CEP112: variants seen among roughly 807,000 people sequenced by gnomAD.
The protein encoded by CEP112 is centrosomal protein 112, also known as centrosomal protein of 112 kDa.
In CEP112, 127 loss-of-function variants were observed where a neutral mutation model predicts 153.0. That is an observed-to-expected ratio of 0.83 (90% CI 0.72 to 0.96). The LOEUF is 0.96. Ranked by LOEUF, CEP112 falls within the 40% of genes least tolerant of loss-of-function variation. CEP112 has a pLI of 0.00. For synonymous variants in CEP112, 358 were observed against 374.4 expected, an observed-to-expected ratio of 0.96 and a Z score of 0.51; for missense variants, 1,089 against 1,101.2, an observed-to-expected ratio of 0.99 and a Z score of 0.16.
intron 19 of CEP112, among the ~76,000 whole-genome samples, chr17:65,923,815 G>A (rs2060819620): frequency 1.3e-5 from 2 of 152,064 alleles, no homozygotes; most frequent in African/African-American, 4.8e-5. Context: ...AGACACATAT[G>A]TTTTAATTTT....
At chr17:66,002,247 A>C (rs2064090961) in intron 17 of CEP112, among the ~76,000 whole-genome samples, 1 of 152,138 alleles carries the variant, frequency 6.6e-6, no homozygotes. Context: ...CTCATAGAAA[A>C]ATTCCCAGCC....
At chr17:66,060,677 T>C (rs547174794) in intron 11 of CEP112, among the ~76,000 whole-genome samples, 1 of 152,258 alleles carries the variant, frequency 6.6e-6, no homozygotes, top group East Asian at 1.9e-4. Context: ...CTTTAATAAA[T>C]GGTGCTGGGG....
intron 21 of CEP112, among the ~76,000 whole-genome samples, chr17:65,829,063 G>C (rs1426588018): frequency 1.3e-5 from 2 of 151,772 alleles, no homozygotes; most frequent in African/African-American, 4.8e-5. Flanking sequence ...AGGCATCTTG[G>C]TATTATTAAT....
chr17:65,729,983 G>A (rs2050410154), intron 23 of CEP112, among the ~76,000 whole-genome samples: 1 of 152,170 alleles, frequency 6.6e-6, no homozygotes, highest in Admixed American at 6.5e-5. Context: ...GTCACCTAGT[G>A]ACTTCCAAAG....
intron 19 of CEP112, among the ~76,000 whole-genome samples, chr17:65,905,520 A>C (rs2060038419): frequency 6.6e-6 from 1 of 152,260 alleles, no homozygotes; most frequent in Non-Finnish European, 1.5e-5. Context: ...AATTAGTTCA[A>C]CCACTGTGGA....
chr17:65,680,465 T>C lies in CEP112; in HGVS notation c.2697+8664A>G, dbSNP rs75176702. Among the ~76,000 whole-genome samples the C allele has an allele frequency of 2.4e-3, 361 of 152,082 alleles. 1 individual carries two copies. Among genetic ancestry groups the C allele is most frequent in the African/African-American group, 8.6e-3 (355 of 41,472 alleles). On this transcript the variant is annotated intron_variant, in intron 24 of 26. Coordinates refer to ENST00000535342, the MANE Select transcript of CEP112 (RefSeq NM_001199165.4). ...ATGCTGCTAATTCTTCCTCCCTCCT[T>C]CTCTCCATCTGTCACCCTCCCTCTC...
At chr17:65,714,324 T>C (rs2049372122) in intron 23 of CEP112, among the ~76,000 whole-genome samples, 1 of 152,228 alleles carries the variant, frequency 6.6e-6, no homozygotes, top group African/African-American at 2.4e-5. Context: ...ACATCTAATT[T>C]ATTCTGGGCT....
At chr17:66,121,723 T>G (rs2069603112) in intron 6 of CEP112, among the ~76,000 whole-genome samples, 1 of 151,606 alleles carries the variant, frequency 6.6e-6, no homozygotes, top group Non-Finnish European at 1.5e-5. Flanking sequence ...TTTTTAGAGA[T>G]GGGGGTCTCA....
intron 23 of CEP112, among the ~76,000 whole-genome samples, chr17:65,692,907 C>T (rs1328241924): frequency 6.6e-6 from 1 of 152,164 alleles, no homozygotes; most frequent in Non-Finnish European, 1.5e-5. Context: ...AAGATATTTA[C>T]TTCAATCATC....
At chr17:65,745,233 A>G (rs917085381) in intron 22 of CEP112, among the ~76,000 whole-genome samples, 3 of 152,256 alleles carry the variant, frequency 2.0e-5, no homozygotes, top group Non-Finnish European at 2.9e-5. Context: ...ATGACAAAAT[A>G]TATAATAACA....
At chr17:66,106,911 T>G (rs547489985) in intron 6 of CEP112, among the ~76,000 whole-genome samples, 23 of 152,134 alleles carry the variant, frequency 1.5e-4, no homozygotes, top group African/African-American at 5.5e-4. Flanking sequence ...ACTAGTATAC[T>G]GAATTCAACA....
chr17:65,961,641 GCTAGGC>G, intron 17 of CEP112, 43 bp from the exon 18 acceptor site: 4 of 1,533,288 alleles, frequency 2.6e-6, no homozygotes, highest in Non-Finnish European at 3.5e-6. Context: ...ATATAAAAGA[GCTAGGC>G]CTGAATGAAA....
At chr17:65,850,103 G>A (rs112105235) in intron 21 of CEP112, among the ~76,000 whole-genome samples, 1,880 of 140,040 alleles carry the variant, frequency 0.013, 52 homozygotes, top group African/African-American at 0.048. Context: ...GCAGTGAGCC[G>A]AGATCATGCC....
chr17:66,053,822 T>C lies in CEP112; in HGVS notation c.1132A>G (p.Thr378Ala). The C allele has an allele frequency of 6.2e-7, 1 of 1,613,040 alleles. No homozygotes were observed. The highest frequency in any genetic ancestry group is 1.1e-5 in the South Asian group (1 of 90,810). The change falls in exon 12 of 27, where the codon ACT (threonine) becomes GCT (alanine). Residue 378 changes from threonine (T) to alanine (A), a missense_variant. Physicochemically the swap from Thr to Ala is moderately conservative, Grantham distance 58. Coordinates refer to ENST00000535342, the MANE Select transcript of CEP112 (RefSeq NM_001199165.4). Reference sequence around the variant, plus strand: ...TCAAGCAATTCTTGAATGTTTTCAGTGTGTTGCTTTTGAAGATCAAACTTT... The same window carrying C: ...TCAAGCAATTCTTGAATGTTTTCAGCGTGTTGCTTTTGAAGATCAAACTTT... Reference protein sequence around the residue: ...QEKFDLQKQHTENIQELLEDT... With the variant: ...QEKFDLQKQHAENIQELLEDT...
intron 24 of CEP112, among the ~76,000 whole-genome samples, chr17:65,656,733 T>C (rs1432477088): frequency 6.6e-6 from 1 of 152,164 alleles, no homozygotes; most frequent in African/African-American, 2.4e-5. Context: ...CTCCACTAGG[T>C]AGGGACTGTG....
intron 20 of CEP112, among the ~76,000 whole-genome samples, chr17:65,868,505 T>TA (rs113334221): frequency 0.15 from 20,909 of 140,606 alleles, 1,465 homozygotes; most frequent in African/African-American, 0.17. Context: ...GTCTCAAAAT[T>TA]AAAAAAAAAA....
Position 65,844,321 on chromosome 17 carries a change from T to C in CEP112, c.2394+7483A>G, listed in dbSNP as rs568597613. 7.2e-5 allele frequency among the ~76,000 whole-genome samples: 11 copies of C among 152,322 alleles called. No individual in the cohort carries two copies. The South Asian group carries it at 1.7e-3, about 23-fold the overall frequency. On this transcript the variant is annotated intron_variant, in intron 21 of 26. Coordinates refer to ENST00000535342, the MANE Select transcript of CEP112 (RefSeq NM_001199165.4). Reference sequence around the variant, plus strand: ...CTACTAGGATTTTAACCTAAAAAAATTGAAATTGAAAATGTCAACAAAAGT... The same window carrying C: ...CTACTAGGATTTTAACCTAAAAAAACTGAAATTGAAAATGTCAACAAAAGT...
intron 21 of CEP112, among the ~76,000 whole-genome samples, chr17:65,758,440 C>T (rs535001987): frequency 6.6e-6 from 1 of 152,110 alleles, no homozygotes; most frequent in Admixed American, 6.5e-5. Context: ...ACAAAAGTGT[C>T]CATGGTTGTA....
chr17:65,835,976 A>C (rs545218944), intron 21 of CEP112, among the ~76,000 whole-genome samples: 1 of 152,344 alleles, frequency 6.6e-6, no homozygotes, highest in East Asian at 1.9e-4. Context: ...AATGTGGTGA[A>C]GGGGATGCTG....
Sources: gnomAD v4.1 joint callset for allele counts (sites outside exome capture counted in the v4.1 genomes callset) on GRCh38, gnomAD v4.1.1 for gene constraint, MANE v1.5 for transcripts, NCBI Gene and HGNC (gene_info 2026-07-23, HGNC 2026-07-21) for gene names.